The following ITGB1 variants were observed in gnomAD, a reference collection of about 807,000 sequenced individuals.
ITGB1 encodes the protein integrin subunit beta 1.
In ITGB1, 24 loss-of-function variants were observed where a neutral mutation model predicts 86.5. The observed-to-expected ratio is 0.28, with a 90% confidence interval of 0.20 to 0.39. The LOEUF (loss-of-function observed/expected upper bound fraction) is 0.39, where lower values mean the gene tolerates loss of function less well. ITGB1 is among the 10% of genes least tolerant of loss of function. ITGB1 has a pLI of 1.00. For synonymous variants in ITGB1, 323 were observed against 316.8 expected (o/e 1.02, Z -0.21); for missense variants, 556 against 946.9 (o/e 0.59, Z 5.42).
intron 5 of ITGB1, among the ~76,000 whole-genome samples, chr10:32,927,629 C>T (rs1014414414): frequency 9.2e-5 from 14 of 152,124 alleles, no homozygotes; most frequent in African/African-American, 3.1e-4. Flanking sequence ...CCCATCTCTA[C>T]TAAAAATACA....
At chr10:32,933,821 T>C (rs994438637) in intron 2 of ITGB1, among the ~76,000 whole-genome samples, 1 of 152,246 alleles carries the variant, frequency 6.6e-6, no homozygotes. Context: ...CTAAGTGTTT[T>C]ATTCTTATCA....
rs1481767889 is a variant in ITGB1, at chr10:32,910,330, T to C, written c.2057A>G (p.Asp686Gly). ...RDKLPQPVQPDPVSHCKEKDV... is the reference protein window; with the variant it reads ...RDKLPQPVQPGPVSHCKEKDV... ...CTTCTCCTTACAATGGGACACAGGATCAGGTTGGACCGGCTGGGGTAATTT... is the reference window on the plus strand; with the variant it reads ...CTTCTCCTTACAATGGGACACAGGACCAGGTTGGACCGGCTGGGGTAATTT... The change falls in exon 14 of 16, where the codon GAT (aspartate) becomes GGT (glycine). Residue 686 changes from aspartate to glycine, a missense_variant. This residue lies in a region of ITGB1 where 330 missense variants were observed against 531.5 expected (regional missense o/e 0.62). Transcript: ENST00000302278. 1 of 1,602,714 alleles carries C rather than the reference T, an allele frequency of 6.2e-7. No homozygotes were observed. Among genetic ancestry groups the C allele is most frequent in the Admixed American group, 1.7e-5 (1 of 59,920 alleles).
At chr10:32,938,279 G>A (rs890997568) in intron 1 of ITGB1, among the ~76,000 whole-genome samples, 2 of 152,220 alleles carry the variant, frequency 1.3e-5, no homozygotes, top group Non-Finnish European at 2.9e-5. Flanking sequence ...AAAAGTTCCT[G>A]AGGAAATGCA....
intron 1 of ITGB1, 107 bp from the exon 2 acceptor site, chr10:32,935,665 A>T: frequency 2.6e-6 from 2 of 780,594 alleles, no homozygotes; most frequent in Non-Finnish European, 4.2e-6. Flanking sequence ...TATAAACATG[A>T]TGGCTCTCAA....
chr10:32,929,749 CAG>C (rs1405151417), intron 4 of ITGB1, 71 bp downstream of exon 4: 3 of 857,574 alleles, frequency 3.5e-6, no homozygotes, highest in African/African-American at 1.7e-5. Context: ...AGAAACTGGT[CAG>C]AGTTTGCATA....
chr10:32,948,420 G>C (rs528779765), intron 1 of ITGB1, among the ~76,000 whole-genome samples: 4 of 151,942 alleles, frequency 2.6e-5, no homozygotes, highest in Admixed American at 2.6e-4. Context: ...TGATATCACA[G>C]AAACCCTTAA....
intron 15 of ITGB1, among the ~76,000 whole-genome samples, chr10:32,902,090 G>A (rs1442198131): frequency 6.6e-6 from 1 of 152,158 alleles, no homozygotes; most frequent in Non-Finnish European, 1.5e-5. Context: ...GGAGGGAGGT[G>A]TGCTTCTGGG....
intron 1 of ITGB1, among the ~76,000 whole-genome samples, chr10:32,942,375 C>T (rs1370737533): frequency 6.6e-6 from 1 of 152,122 alleles, no homozygotes; most frequent in Non-Finnish European, 1.5e-5. Context: ...ACAGTGAGAG[C>T]CTGCAATGGT....
intron 1 of ITGB1, chr10:32,944,684 GC>G: frequency 3.0e-6 from 2 of 660,440 alleles, no homozygotes; most frequent in Admixed American, 3.6e-5. Flanking sequence ...ACAGGCAGAA[GC>G]CCTAGACTAA....
At chr10:32,950,763 T>C (rs182119542) in intron 1 of ITGB1, among the ~76,000 whole-genome samples, 6 of 152,162 alleles carry the variant, frequency 3.9e-5, no homozygotes, top group Admixed American at 3.3e-4. Context: ...AATGATAGCC[T>C]GGGCTAAGAA....
At chr10:32,919,733 G>C in intron 11 of ITGB1, 152 bp downstream of exon 11, 1 of 584,644 alleles carries the variant, frequency 1.7e-6, no homozygotes, top group South Asian at 2.6e-5. Context: ...TCACACACAA[G>C]ATCATCAAAC....
chr10:32,923,436 T>G, intron 7 of ITGB1, 149 bp downstream of exon 7: 1 of 552,416 alleles, frequency 1.8e-6, no homozygotes, highest in Non-Finnish European at 3.1e-6. Flanking sequence ...AACACTAGCT[T>G]TCCTGCACTT....
In ITGB1 at chr10:32,926,110, C is replaced by T; in HGVS notation, c.548-1G>A. On this transcript the variant is annotated splice_acceptor_variant, in intron 5 of 15. Transcript: ENST00000302278. LOFTEE classifies it high-confidence loss of function. ...GTCTTTTCCACAAATGAGCCAAATC[C>T]TGCCAAGAAAAAAATGGTACATAAA... 1 of 1,601,990 alleles carries T rather than the reference C, an allele frequency of 6.2e-7. No homozygotes were observed. Among genetic ancestry groups the T allele is most frequent in the Non-Finnish European group, 8.5e-7 (1 of 1,171,084 alleles).
intron 1 of ITGB1, chr10:32,955,648 T>C (rs1487836654): frequency 6.6e-6 from 1 of 152,246 alleles, no homozygotes; most frequent in Non-Finnish European, 1.5e-5. Flanking sequence ...GTTAAGTTGT[T>C]TGACCACTTT....
intron 7 of ITGB1, 91 bp downstream of exon 7, chr10:32,923,494 G>A: frequency 8.6e-7 from 1 of 1,162,596 alleles, no homozygotes; most frequent in Non-Finnish European, 1.2e-6. Context: ...CAAACCCTGA[G>A]AAACCCCAAG....
chr10:32,938,708 TGCGACTG>T (rs980998693), intron 1 of ITGB1, among the ~76,000 whole-genome samples: 6 of 152,326 alleles, frequency 3.9e-5, no homozygotes, highest in African/African-American at 7.2e-5. Flanking sequence ...TCAACGATCC[TGCGACTG>T]GCGACTGGCG....
chr10:32,957,329 G>A (rs978028081), intron 1 of ITGB1, among the ~76,000 whole-genome samples: 2 of 152,202 alleles, frequency 1.3e-5, no homozygotes, highest in Admixed American at 1.3e-4. Context: ...AATTTATGAA[G>A]CCTAAGAAAT....
chr10:32,939,360 T>C (rs1271305226), intron 1 of ITGB1, among the ~76,000 whole-genome samples: 2 of 152,180 alleles, frequency 1.3e-5, no homozygotes, highest in Non-Finnish European at 2.9e-5. Context: ...TTCCCTCTCC[T>C]CAACCCAGTA....
Position 32,922,288 on chromosome 10 carries a change from T to C in ITGB1, c.1097A>G (p.Asn366Ser). The C allele has an allele frequency of 6.2e-7, 1 of 1,608,406 alleles. No individual in the cohort carries two copies. Among genetic ancestry groups the C allele is most frequent in the Non-Finnish European group, 8.5e-7 (1 of 1,176,798 alleles). The change falls in exon 9 of 16, where the codon AAT becomes AGT. Residue 366 changes from asparagine to serine, a missense_variant. By Grantham distance (46) the Asn-to-Ser change is conservative. This residue lies in a region of ITGB1 where 330 missense variants were observed against 531.5 expected (regional missense o/e 0.62). Transcript: ENST00000302278. Reference protein sequence around the residue: ...AVGTLSANSSNVIQLIIDAYN... With the variant: ...AVGTLSANSSSVIQLIIDAYN... ...TGCATCAATGATCAACTGAATTACA[T>C]TGCTAGAATTTGCAGATAATGTTCC...
Sources: allele counts gnomAD v4.1 joint callset (sites outside exome capture counted in the v4.1 genomes callset), GRCh38; gene constraint gnomAD v4.1.1; regional missense constraint gnomAD v4.1.1; transcripts MANE v1.5; gene names NCBI Gene and HGNC (gene_info 2026-07-23, HGNC 2026-07-21).